The following UGT2A1 variants were observed in gnomAD, a reference collection of about 807,000 sequenced individuals.
The protein encoded by UGT2A1 is UDP glucuronosyltransferase family 2 member A1 complex locus.
A neutral mutation model predicts 45.4 loss-of-function variants in UGT2A1; 61 were observed. The observed-to-expected ratio is 1.34, with a 90% CI of 1.09 to 1.66. UGT2A1 has a LOEUF of 1.66. Ranked by LOEUF, UGT2A1 falls within the 40% of genes most tolerant of loss-of-function variation. The pLI is 0.00. For synonymous variants in UGT2A1, 229 were observed against 196.2 expected (o/e 1.17, Z -1.40); for missense variants, 649 against 574.3 (o/e 1.13, Z -1.33).
At chr4:69,632,420 T>A (rs1303465472) in intron 3 of UGT2A1, among the ~76,000 whole-genome samples, 1 of 152,146 alleles carries the variant, frequency 6.6e-6, no homozygotes, top group Non-Finnish European at 1.5e-5. Context: ...ATGATGCCAG[T>A]ACACCCACGT....
intron 1 of UGT2A1, among the ~76,000 whole-genome samples, chr4:69,652,594 A>G (rs1163166732): frequency 2.0e-5 from 3 of 152,114 alleles, no homozygotes; most frequent in African/African-American, 7.2e-5. Flanking sequence ...TTTAATAAAT[A>G]AAATTGATTT....
intron 3 of UGT2A1, among the ~76,000 whole-genome samples, chr4:69,618,558 A>G (rs981121488): frequency 1.3e-5 from 2 of 152,016 alleles, no homozygotes; most frequent in Admixed American, 1.3e-4. Flanking sequence ...AACAGACCAT[A>G]TTAATAATAT....
intron 2 of UGT2A1, among the ~76,000 whole-genome samples, chr4:69,646,407 T>C (rs1013417731): frequency 6.6e-6 from 1 of 151,848 alleles, no homozygotes; most frequent in Admixed American, 6.6e-5. Context: ...TAAATCACCC[T>C]GATCAATGGT....
chr4:69,628,400 C>T (rs572021287), intron 3 of UGT2A1, among the ~76,000 whole-genome samples: 16 of 151,898 alleles, frequency 1.1e-4, no homozygotes, highest in South Asian at 2.1e-4. Flanking sequence ...TTAAAGCACA[C>T]GTATAGACCA....
intron 2 of UGT2A1, among the ~76,000 whole-genome samples, chr4:69,638,298 C>T (rs1041686828): frequency 6.6e-6 from 1 of 151,936 alleles, no homozygotes; most frequent in African/African-American, 2.4e-5. Flanking sequence ...CAGGACTGGC[C>T]TTGATGGTTA....
chr4:69,625,775 C>T (rs1721020707), intron 3 of UGT2A1, among the ~76,000 whole-genome samples: 1 of 151,358 alleles, frequency 6.6e-6, no homozygotes, highest in Non-Finnish European at 1.5e-5. Context: ...TTTTCAAAAG[C>T]CCCAGGCAGG....
chr4:69,626,022 A>G (rs1577984906), intron 3 of UGT2A1, among the ~76,000 whole-genome samples: 1 of 151,622 alleles, frequency 6.6e-6, no homozygotes, highest in South Asian at 2.1e-4. Context: ...TACTAATTCT[A>G]TCATGTATGT....
At chr4:69,634,614 AC>A (rs1721574778) in intron 3 of UGT2A1, among the ~76,000 whole-genome samples, 1 of 152,208 alleles carries the variant, frequency 6.6e-6, no homozygotes. Context: ...TGATTTAACA[AC>A]TGATAATCAC....
intron 3 of UGT2A1, among the ~76,000 whole-genome samples, chr4:69,600,784 A>T (rs2109893683): frequency 6.7e-6 from 1 of 149,636 alleles, no homozygotes; most frequent in African/African-American, 2.5e-5. Context: ...CAAGAGAGAG[A>T]GTGAGGGCAA....
chr4:69,635,741 C>T lies in UGT2A1; in HGVS notation c.797G>A (p.Arg266Gln), dbSNP rs891728122. 10 of 235,542 alleles carry T rather than the reference C, an allele frequency of 4.2e-5. No homozygotes were observed. Among genetic ancestry groups the T allele is most frequent in the Non-Finnish European group, 7.0e-5 (8 of 114,752 alleles). 14.6% of individuals were successfully genotyped at this position (235,542 alleles called of 1,614,324 possible). A position where few individuals can be genotyped will look rare whatever the true frequency, so the allele number is the denominator to read the frequency against. Residue 266 changes from arginine (R) to glutamine (Q), a missense_variant, in exon 3 of 7, where the codon CGA becomes CAA. By Grantham distance (43) the Arg-to-Gln change is conservative (BLOSUM62 1). Transcript: ENST00000286604. ...ACAATGGAGGCTGAGGCGGGAGAATCGCTTGAACCCGGGAAGCAGAGGTTG... is the reference window on the plus strand; with the variant it reads ...ACAATGGAGGCTGAGGCGGGAGAATTGCTTGAACCCGGGAAGCAGAGGTTG... ...SLQPLLPGFK[R>Q]FSRLSLHCSW...
At chr4:69,642,841 G>A (rs1204560003) in intron 2 of UGT2A1, among the ~76,000 whole-genome samples, 1 of 151,204 alleles carries the variant, frequency 6.6e-6, no homozygotes, top group Non-Finnish European at 1.5e-5. Flanking sequence ...GTGGTTAAAG[G>A]GTAAAGTGCT....
At chr4:69,640,750 G>A (rs1722009225) in intron 2 of UGT2A1, among the ~76,000 whole-genome samples, 1 of 151,848 alleles carries the variant, frequency 6.6e-6, no homozygotes, top group Non-Finnish European at 1.5e-5. Context: ...GGAAAGACAA[G>A]AGAGAGAAGT....
At chr4:69,647,800 T>C in intron 1 of UGT2A1, 102 bp from the exon 2 acceptor site, 1 of 504,244 alleles carries the variant, frequency 2.0e-6, no homozygotes, top group Non-Finnish European at 3.4e-6. Context: ...CTAGTCATAG[T>C]AGCTCCATAT....
At chr4:69,596,400 T>C in intron 4 of UGT2A1, 1 of 1,545,930 alleles carries the variant, frequency 6.5e-7, no homozygotes, top group Non-Finnish European at 8.7e-7. Flanking sequence ...ATAATATATT[T>C]TCTATTACAA....
At chr4:69,621,313 C>T (rs1050476343) in intron 3 of UGT2A1, among the ~76,000 whole-genome samples, 5 of 151,714 alleles carry the variant, frequency 3.3e-5, no homozygotes, top group African/African-American at 1.2e-4. Context: ...AAAGAAACAA[C>T]CTCATTAAAA....
At chr4:69,638,886 A>C (rs1578001287) in intron 2 of UGT2A1, 2 of 1,550,904 alleles carry the variant, frequency 1.3e-6, no homozygotes, top group East Asian at 4.5e-5. Flanking sequence ...AAAAGAGAAA[A>C]TTTTAGACTT....
intron 3 of UGT2A1, among the ~76,000 whole-genome samples, chr4:69,607,218 G>GCATGGTACTGGT (rs1553904403): frequency 1.3e-4 from 19 of 150,072 alleles, no homozygotes; most frequent in South Asian, 2.1e-4. Flanking sequence ...TACCAAAACA[G>GCATGGTACTGGT]AGATAAAGAC....
chr4:69,629,619 A>C (rs1235602078), intron 3 of UGT2A1, among the ~76,000 whole-genome samples: 3 of 152,050 alleles, frequency 2.0e-5, no homozygotes, highest in African/African-American at 7.2e-5. Flanking sequence ...GGTTCAGGTG[A>C]GTTAGTTGAT....
chr4:69,627,027 T>C (rs1372840375), intron 3 of UGT2A1, among the ~76,000 whole-genome samples: 2 of 151,886 alleles, frequency 1.3e-5, no homozygotes, highest in African/African-American at 2.4e-5. Flanking sequence ...TATTAGATAA[T>C]GGCATATAAA....
Sources: gnomAD v4.1 joint callset for allele counts (sites outside exome capture counted in the v4.1 genomes callset) on GRCh38, gnomAD v4.1.1 for gene constraint, MANE v1.5 for transcripts, NCBI Gene and HGNC (gene_info 2026-07-23, HGNC 2026-07-21) for gene names.